The following CX3CR1 variants were observed in gnomAD, a reference collection of about 807,000 sequenced individuals.
The protein encoded by CX3CR1 is C-X3-C motif chemokine receptor 1, also known as CX3C chemokine receptor 1.
For synonymous variants in CX3CR1, 168 were observed against 178.5 expected (o/e 0.94, Z 0.47); for missense variants, 363 against 432.4 (o/e 0.84, Z 1.42).
chr3:39,274,037 C>T (rs1034176886), intron 1 of CX3CR1, among the ~76,000 whole-genome samples: 4 of 152,210 alleles, frequency 2.6e-5, no homozygotes, highest in Admixed American at 1.3e-4. Flanking sequence ...GACACTTCTA[C>T]ACTTCTGGGG....
At chr3:39,283,793 AATTATATATATATATATATAT>A (rs1256647018), upstream of CX3CR1, among the ~76,000 whole-genome samples, 2 of 63,930 alleles carry the variant, frequency 3.1e-5, no homozygotes, top group South Asian at 5.9e-4. Context: ...AAAAAAAAAA[AATTATATATATATATATATAT>A]ATATATATAT....
intron 1 of CX3CR1, among the ~76,000 whole-genome samples, chr3:39,279,596 T>G (rs1047783106): frequency 1.3e-5 from 2 of 152,210 alleles, no homozygotes; most frequent in African/African-American, 4.8e-5. Flanking sequence ...AGGACTCTTT[T>G]TTGAAAAAGA....
intron 1 of CX3CR1, among the ~76,000 whole-genome samples, chr3:39,267,365 A>G (rs2040716869): frequency 6.6e-6 from 1 of 152,210 alleles, no homozygotes; most frequent in Non-Finnish European, 1.5e-5. Flanking sequence ...GAGAAGCCTC[A>G]GACCCAGAGC....
At chr3:39,282,597 C>T (rs1291973714), upstream of CX3CR1, among the ~76,000 whole-genome samples, 1 of 151,968 alleles carries the variant, frequency 6.6e-6, no homozygotes, top group Non-Finnish European at 1.5e-5. Context: ...ATGGGTGTCC[C>T]CACCCATCAC....
At chr3:39,285,079 T>C (rs1160405941), upstream of CX3CR1, among the ~76,000 whole-genome samples, 1 of 151,732 alleles carries the variant, frequency 6.6e-6, no homozygotes, top group Non-Finnish European at 1.5e-5. Flanking sequence ...ACTTAGAAAA[T>C]TAGAGGCCAA....
At chr3:39,281,279 C>A, upstream of CX3CR1, 1 of 1,105,506 alleles carries the variant, frequency 9.0e-7, no homozygotes, top group Non-Finnish European at 1.1e-6. Flanking sequence ...AAAGCAGAGT[C>A]AGGCCGCTCC....
chr3:39,273,537 C>T (rs1207976095), intron 1 of CX3CR1, among the ~76,000 whole-genome samples: 1 of 152,234 alleles, frequency 6.6e-6, no homozygotes, highest in Non-Finnish European at 1.5e-5. Flanking sequence ...TCACTCTGCT[C>T]TGCTTCAGTT....
upstream of CX3CR1, among the ~76,000 whole-genome samples, chr3:39,283,813 A>T (rs1360868460): frequency 3.0e-5 from 2 of 65,760 alleles, no homozygotes; most frequent in African/African-American, 1.5e-4. Flanking sequence ...ATATATATAT[A>T]TATATATATA....
chr3:39,290,643 C>T, the CX3CR1 span, among the ~76,000 whole-genome samples: 6 of 152,108 alleles, frequency 3.9e-5, no homozygotes, highest in Admixed American at 2.6e-4. Flanking sequence ...CAGATAGGGC[C>T]GGGCGCAGTG....
At chr3:39,266,926 G>A (rs945564387) in intron 1 of CX3CR1, among the ~76,000 whole-genome samples, 2 of 152,076 alleles carry the variant, frequency 1.3e-5, no homozygotes, top group Non-Finnish European at 2.9e-5. Flanking sequence ...TGGGATTATA[G>A]GCGTGCACTA....
intron 1 of CX3CR1, among the ~76,000 whole-genome samples, chr3:39,272,432 C>T (rs1388686710): frequency 6.6e-6 from 1 of 152,186 alleles, no homozygotes; most frequent in Non-Finnish European, 1.5e-5. Context: ...CTCATGCCTG[C>T]TCATTTATTT....
chr3:39,269,890 A>G (rs2040755730), intron 1 of CX3CR1, among the ~76,000 whole-genome samples: 1 of 152,228 alleles, frequency 6.6e-6, no homozygotes, highest in Non-Finnish European at 1.5e-5. Flanking sequence ...GAGCAGTACC[A>G]ATATCGCTTT....
intron 1 of CX3CR1, 126 bp from the exon 2 acceptor site, chr3:39,266,644 C>T (rs1316894284): frequency 2.2e-6 from 2 of 891,792 alleles, no homozygotes; most frequent in South Asian, 2.6e-5. Context: ...CTACATTTCC[C>T]AACTTCCCAC....
At chr3:39,268,673 A>T (rs1274707939) in intron 1 of CX3CR1, among the ~76,000 whole-genome samples, 1 of 152,174 alleles carries the variant, frequency 6.6e-6, no homozygotes. Flanking sequence ...GTCCTTCAGC[A>T]CAGGAACTTC....
the CX3CR1 span, chr3:39,287,547 A>C: frequency 1.3e-5 from 2 of 152,184 alleles, no homozygotes; most frequent in Non-Finnish European, 2.9e-5. Context: ...CTGCTTGGTA[A>C]ACGGACTTCA....
intron 1 of CX3CR1, among the ~76,000 whole-genome samples, chr3:39,267,405 A>C (rs1360014983): frequency 6.6e-6 from 1 of 152,140 alleles, no homozygotes; most frequent in Non-Finnish European, 1.5e-5. Flanking sequence ...GGAAGCCCTC[A>C]TCTTTGTTTT....
intron 1 of CX3CR1, among the ~76,000 whole-genome samples, chr3:39,271,835 G>C (rs1226931111): frequency 1.3e-5 from 2 of 152,230 alleles, no homozygotes; most frequent in African/African-American, 4.8e-5. Context: ...TTTTAAGGAA[G>C]ACTGAGCCTG....
upstream of CX3CR1, among the ~76,000 whole-genome samples, chr3:39,283,843 TG>T (rs2040927899): frequency 5.4e-5 from 4 of 74,168 alleles, no homozygotes; most frequent in East Asian, 8.8e-4. Context: ...ATATATATAA[TG>T]TGGTTAATAG....
the CX3CR1 span, among the ~76,000 whole-genome samples, chr3:39,292,876 C>G: frequency 1.3e-5 from 2 of 152,216 alleles, no homozygotes; most frequent in Admixed American, 6.5e-5. Context: ...TGCTTTGACA[C>G]CCTAGACAAT....
Sources: gnomAD v4.1 joint callset for allele counts (sites outside exome capture counted in the v4.1 genomes callset) on GRCh38, gnomAD v4.1.1 for gene constraint, MANE v1.5 for transcripts, NCBI Gene and HGNC (gene_info 2026-07-23, HGNC 2026-07-21) for gene names.